Variants in RHBDD1 observed in about 807,000 individuals in gnomAD.
The protein encoded by RHBDD1 is rhomboid domain containing 1, also known as rhomboid-related protein 4.
A neutral mutation model predicts 36.3 loss-of-function variants in RHBDD1; 38 were observed. The ratio of observed to expected loss-of-function variants is 1.05; its 90% confidence interval spans 0.81 to 1.37. The LOEUF (loss-of-function observed/expected upper bound fraction) is 1.37. Among genes scored for constraint, RHBDD1 ranks in the 40% most tolerant of loss-of-function variants. RHBDD1 has a pLI of 0.00. For synonymous variants in RHBDD1, 151 were observed against 136.5 expected, an observed-to-expected ratio of 1.11 and a Z score of -0.74; for missense variants, 393 against 377.6, an observed-to-expected ratio of 1.04 and a Z score of -0.34.
At chr2:226,969,204 G>A (rs1028779801) in intron 8 of RHBDD1, 1 of 152,200 alleles carries the variant, frequency 6.6e-6, no homozygotes, top group Non-Finnish European at 1.5e-5. Flanking sequence ...CCGAAGGCTC[G>A]GCCGGTAACA....
chr2:226,988,658 A>AT (rs1957529768), intron 8 of RHBDD1: 1 of 984,984 alleles, frequency 1.0e-6, no homozygotes, highest in African/African-American at 1.7e-5. Context: ...GGAAGGTAGG[A>AT]TTTTAATATT....
the RHBDD1 span, among the ~76,000 whole-genome samples, chr2:226,816,375 C>CAAAAAAAAAAAAA: frequency 4.9e-4 from 32 of 64,910 alleles, no homozygotes; most frequent in East Asian, 1.3e-3. Context: ...GGAATGGTGG[C>CAAAAAAAAAAAAA]AAAAAAAAAA....
chr2:226,868,164 T>G (rs1944494459), intron 5 of RHBDD1, among the ~76,000 whole-genome samples: 1 of 152,228 alleles, frequency 6.6e-6, no homozygotes. Flanking sequence ...CCTTTCACCT[T>G]ACTCCCATGT....
At chr2:226,815,770 G>T in the RHBDD1 span, among the ~76,000 whole-genome samples, 2 of 152,102 alleles carry the variant, frequency 1.3e-5, no homozygotes, top group African/African-American at 2.4e-5. Flanking sequence ...CAAAACTAAA[G>T]TTTTAAAATT....
At chr2:226,961,353 T>G (rs1177887253) in intron 8 of RHBDD1, among the ~76,000 whole-genome samples, 2 of 152,172 alleles carry the variant, frequency 1.3e-5, no homozygotes, top group African/African-American at 4.8e-5. Context: ...TTTTCTTACC[T>G]CTTTCTCTTT....
chr2:226,942,965 G>A (rs1250424202), intron 8 of RHBDD1, among the ~76,000 whole-genome samples: 1 of 152,130 alleles, frequency 6.6e-6, no homozygotes, highest in Non-Finnish European at 1.5e-5. Flanking sequence ...GCTGTTGTCC[G>A]CTCTGCCTCT....
upstream of RHBDD1, among the ~76,000 whole-genome samples, chr2:226,833,318 A>C (rs2124869841): frequency 6.6e-6 from 1 of 152,370 alleles, no homozygotes; most frequent in East Asian, 1.9e-4. Flanking sequence ...CCTTAAAAAG[A>C]TAATCCAGTT....
At chr2:226,805,314 G>A in the RHBDD1 span, among the ~76,000 whole-genome samples, 110 of 152,334 alleles carry the variant, frequency 7.2e-4, no homozygotes, top group African/African-American at 2.6e-3. Context: ...CCAGGTTGAA[G>A]CAATTCTTCT....
intron 8 of RHBDD1, among the ~76,000 whole-genome samples, chr2:226,970,206 C>T (rs569877640): frequency 1.3e-5 from 2 of 151,788 alleles, no homozygotes; most frequent in African/African-American, 4.8e-5. Flanking sequence ...ATGTATTTTC[C>T]CCTTTTACCT....
chr2:226,877,986 G>A (rs1362216993), intron 5 of RHBDD1, among the ~76,000 whole-genome samples: 2 of 152,028 alleles, frequency 1.3e-5, no homozygotes, highest in African/African-American at 4.8e-5. Context: ...TAAAAAAAAG[G>A]GCAGATCATG....
the RHBDD1 span, among the ~76,000 whole-genome samples, chr2:226,816,633 C>T: frequency 7.1e-4 from 108 of 152,270 alleles, no homozygotes; most frequent in African/African-American, 2.1e-3. Context: ...CAGTGGCTCA[C>T]GCCTGTAATC....
intron 8 of RHBDD1, among the ~76,000 whole-genome samples, chr2:226,914,859 T>C (rs924070066): frequency 7.9e-5 from 12 of 152,176 alleles, no homozygotes; most frequent in African/African-American, 2.9e-4. Context: ...GGAGATTCTT[T>C]TATAAACCGA....
intron 5 of RHBDD1, among the ~76,000 whole-genome samples, chr2:226,885,076 A>G (rs1946098041): frequency 1.3e-5 from 2 of 152,190 alleles, no homozygotes; most frequent in Non-Finnish European, 2.9e-5. Context: ...AATGTCTAAC[A>G]TAAAAGCTTT....
chr2:226,891,468 T>C lies in RHBDD1; in HGVS notation c.567-15325T>C, dbSNP rs577244686. On this transcript the variant is annotated intron_variant, in intron 5 of 8. Transcript: ENST00000392062. Reference sequence around the variant, plus strand: ...TTGTATTCTGTTGATTAGAAACAATTCACAGGTTCCACCTATGCTCATTGG... The same window carrying C: ...TTGTATTCTGTTGATTAGAAACAATCCACAGGTTCCACCTATGCTCATTGG... 3.9e-5 allele frequency among the ~76,000 whole-genome samples: 6 copies of C among 152,304 alleles called. No individual in the cohort carries two copies. In the South Asian group the frequency reaches 1.0e-3, roughly 26 times the overall value.
intron 8 of RHBDD1, among the ~76,000 whole-genome samples, chr2:226,957,977 A>G (rs1951892167): frequency 6.6e-6 from 1 of 152,204 alleles, no homozygotes; most frequent in African/African-American, 2.4e-5. Flanking sequence ...GCTTTGGACA[A>G]TAGTCTGGCA....
chr2:226,831,711 T>G (rs1256816042), upstream of RHBDD1, among the ~76,000 whole-genome samples: 3 of 152,180 alleles, frequency 2.0e-5, no homozygotes, highest in African/African-American at 4.8e-5. Context: ...AATACTTTTT[T>G]TTTTTTTTAC....
At chr2:226,903,931 C>G (rs1947812937) in intron 5 of RHBDD1, among the ~76,000 whole-genome samples, 1 of 152,176 alleles carries the variant, frequency 6.6e-6, no homozygotes, top group East Asian at 1.9e-4. Flanking sequence ...TGGACATGAT[C>G]GGAGAGGAGA....
intron 8 of RHBDD1, among the ~76,000 whole-genome samples, chr2:226,926,413 T>C (rs1023457236): frequency 2.0e-5 from 3 of 152,218 alleles, no homozygotes; most frequent in African/African-American, 7.2e-5. Context: ...ATTATTTCTT[T>C]TTAATATAAA....
chr2:226,926,569 A>G (rs2149075866), intron 8 of RHBDD1, among the ~76,000 whole-genome samples: 1 of 152,236 alleles, frequency 6.6e-6, no homozygotes, highest in East Asian at 1.9e-4. Context: ...TGAGGACTTG[A>G]TTAATTGGAT....
Sources: gnomAD v4.1 joint callset for allele counts (sites outside exome capture counted in the v4.1 genomes callset) on GRCh38, gnomAD v4.1.1 for gene constraint, MANE v1.5 for transcripts, NCBI Gene and HGNC (gene_info 2026-07-23, HGNC 2026-07-21) for gene names.